The following USP33 variants were observed in gnomAD, a reference collection of about 807,000 sequenced individuals.
USP33 encodes ubiquitin specific peptidase 33, also known as ubiquitin carboxyl-terminal hydrolase 33.
A neutral mutation model predicts 124.2 loss-of-function variants in USP33; 46 were observed. The observed-to-expected ratio is 0.37, with a 90% confidence interval of 0.29 to 0.47. The LOEUF is 0.47. USP33 is among the 20% of genes least tolerant of loss of function. USP33 has a pLI of 0.99. For synonymous variants in USP33, 350 were observed against 352.3 expected (o/e 0.99, Z 0.07); for missense variants, 851 against 1,070.6 (o/e 0.79, Z 2.86).
chr1:77,722,336 A>C (rs1676659848), intron 12 of USP33, 140 bp from the exon 13 acceptor site: 3 of 801,548 alleles, frequency 3.7e-6, no homozygotes, highest in Non-Finnish European at 5.7e-6. Flanking sequence ...CGCAAATTGA[A>C]CTGCTTTCAT....
chr1:77,729,258 T>G (rs766587179), intron 9 of USP33, among the ~76,000 whole-genome samples: 4 of 151,458 alleles, frequency 2.6e-5, no homozygotes. Flanking sequence ...TTCCGCTGGA[T>G]GCAGGGGCTT....
In USP33 at chr1:77,748,784, C is replaced by A. The variant is rs376201032; in HGVS notation, c.-51-7036G>T. 3.9e-4 allele frequency among the ~76,000 whole-genome samples: 34 copies of A among 87,998 alleles called. 2 individuals are homozygous for A. The highest frequency in any genetic ancestry group is 1.3e-3 in the East Asian group (4 of 3,164). The allele number at this position is 87,998 out of a possible 152,430, so 57.7% of individuals were successfully genotyped here. ...TTTTGGCAGCATTCCTTCCCTCCCCCCCCCCCCCGTGCTTGAATCAGGATT... is the reference window on the plus strand; with the variant it reads ...TTTTGGCAGCATTCCTTCCCTCCCCACCCCCCCCGTGCTTGAATCAGGATT... On this transcript the variant is annotated intron_variant, in intron 1 of 23. Transcript: ENST00000370794.
intron 1 of USP33, among the ~76,000 whole-genome samples, chr1:77,742,319 C>T (rs979319666): frequency 2.6e-5 from 4 of 152,140 alleles, no homozygotes; most frequent in African/African-American, 4.8e-5. Flanking sequence ...GATAATTCTT[C>T]GCTGTGAGGG....
chr1:77,714,772 T>C lies in USP33; in HGVS notation c.2057A>G (p.Glu686Gly). The C allele has an allele frequency of 6.2e-7, 1 of 1,611,678 alleles. No homozygotes were observed. The highest frequency in any genetic ancestry group is 8.5e-7 in the Non-Finnish European group (1 of 1,179,802). The change falls in exon 19 of 24, where the codon GAA (glutamate) becomes GGA (glycine). Residue 686 changes from glutamate (E) to glycine (G), a missense_variant. Physicochemically the swap from Glu to Gly is moderately conservative, Grantham distance 98. This residue lies in a region of USP33 where 281 missense variants were observed against 425.0 expected (regional missense o/e 0.66). Coordinates refer to ENST00000370794, the MANE Select transcript of USP33 (RefSeq NM_201624.3). The part of the protein sequence containing the change: ...AYVLFYRKSS[E>G]EAQKERRRIS... ...CCTTCTCCTCTCTTTTTGTGCCTCT[T>C]CGCTGCTCTTCCTATTAAGGACAAT...
Position 77,736,167 on chromosome 1 carries a change from C to T in USP33, c.352-9G>A. 6.3e-7 allele frequency: 1 copy of T among 1,577,198 alleles called. No individual in the cohort carries two copies. Among genetic ancestry groups the T allele is most frequent in the East Asian group, 2.2e-5 (1 of 44,474 alleles). On this transcript the variant is annotated splice_polypyrimidine_tract_variant and intron_variant, in intron 5 of 23. Transcript: ENST00000370794. Reference sequence around the variant, plus strand: ...CTGGGTATTTTAAAATCCTTGATAACAAAAAAAGATAGCACACTTGAACAA... The same window carrying T: ...CTGGGTATTTTAAAATCCTTGATAATAAAAAAAGATAGCACACTTGAACAA...
chr1:77,747,418 C>T (rs1570860671), intron 1 of USP33, among the ~76,000 whole-genome samples: 1 of 151,918 alleles, frequency 6.6e-6, no homozygotes, highest in East Asian at 1.9e-4. Context: ...CCCCACCTGG[C>T]TAATTTTTAA....
Position 77,721,246 on chromosome 1 carries a change from G to A in USP33, c.1658-41C>T, listed in dbSNP as rs375184281. 31 of 1,609,588 alleles carry A rather than the reference G, an allele frequency of 1.9e-5. No homozygotes were observed. The African/African-American group carries it at 3.9e-4, about 20-fold the overall frequency. On this transcript the variant is annotated intron_variant, in intron 14 of 23. Transcript: ENST00000370794. ...ATCTGGCATTGGTTTCAAATTAACA[G>A]CAAATTGCTTATTATGGTCCTGTAA...
At chr1:77,723,613 T>TA (rs576922550) in intron 11 of USP33, among the ~76,000 whole-genome samples, 170 bp from the exon 12 acceptor site, 228 of 152,280 alleles carry the variant, frequency 1.5e-3, no homozygotes, top group Non-Finnish European at 2.7e-3. Context: ...GCATAAGTAT[T>TA]AAAAAAATAA....
intron 5 of USP33, among the ~76,000 whole-genome samples, chr1:77,738,734 C>T (rs1678774284): frequency 6.6e-6 from 1 of 152,178 alleles, no homozygotes; most frequent in Non-Finnish European, 1.5e-5. Flanking sequence ...GCCGCCTTGG[C>T]CTCCCAAAGC....
At position 77,697,386 on chromosome 1, in the gene USP33, C is replaced by T. The variant is rs575938642; in HGVS notation, c.2667G>A (p.Pro889=). 3.0e-5 allele frequency: 49 copies of T among 1,612,992 alleles called. No homozygotes were observed. The highest frequency in any genetic ancestry group is 4.5e-5 in the East Asian group (2 of 44,850). ...GTATATCTGGATCAACATGAACAACCGGAGGTCGCAGGATAACTTCAGGCC... is the reference window on the plus strand; with the variant it reads ...GTATATCTGGATCAACATGAACAACTGGAGGTCGCAGGATAACTTCAGGCC... ...GGGPEVILRP[P]VVHVDPDILQ... The change falls in exon 24 of 24, where the codon CCG becomes CCA. Residue 889 remains proline (P), a synonymous_variant. Transcript: ENST00000370794.
chr1:77,711,938 AT>A, intron 20 of USP33, 83 bp from the exon 21 acceptor site: 1 of 1,286,604 alleles, frequency 7.8e-7, no homozygotes, highest in South Asian at 1.4e-5. Context: ...CCCAGTAAAA[AT>A]AAATCCTCTT....
In USP33 at chr1:77,714,659, C is replaced by G. The variant is rs1337259372; in HGVS notation, c.2170G>C (p.Glu724Gln). The G allele has an allele frequency of 6.2e-7, 1 of 1,613,172 alleles. No homozygotes were observed. Among genetic ancestry groups the G allele is most frequent in the African/African-American group, 1.3e-5 (1 of 74,876 alleles). Residue 724 changes from glutamate (E) to glutamine (Q), a missense_variant, in exon 19 of 24, where the codon GAA becomes CAA. Glu to Gln is a conservative substitution (Grantham distance 29). This residue lies in a region of USP33 where 281 missense variants were observed against 425.0 expected (regional missense o/e 0.66). Coordinates refer to ENST00000370794, the MANE Select transcript of USP33 (RefSeq NM_201624.3). Reference protein sequence around the residue: ...QWLNKFKTFAEPGPISNNDFL... With the variant: ...QWLNKFKTFAQPGPISNNDFL... ...TCATTATTTGAAATAGGGCCAGGTT[C>G]GGCAAAGGTCTTAAATTTATTAAGC... is the stretch of plus-strand genomic sequence containing the variant.
rs566869635 is a variant in USP33 at position 77,739,553 on chromosome 1, G to A, written c.199-136C>T. ...ATACTCAAAAGCTAATTTAGAACAT[G>A]AAAAAAATTCTTTAGATAAACTTCT... On this transcript the variant is annotated intron_variant, in intron 4 of 23. Transcript: ENST00000370794. The A allele has an allele frequency of 1.7e-5, 14 of 809,184 alleles. No homozygotes were observed. In the African/African-American group the frequency reaches 1.9e-4, roughly 11 times the overall value. The allele number at this position is 809,184 out of a possible 1,614,324, so 50.1% of individuals were successfully genotyped here. A position where few individuals can be genotyped will look rare whatever the true frequency, so the allele number is the denominator to read the frequency against.
chr1:77,739,474 G>A, intron 4 of USP33, 57 bp from the exon 5 acceptor site: 1 of 1,474,560 alleles, frequency 6.8e-7, no homozygotes. Context: ...TACTTGAAAA[G>A]ACTTCTTCAA....
At chr1:77,720,838 T>G (rs1432411088) in intron 15 of USP33, among the ~76,000 whole-genome samples, 1 of 152,228 alleles carries the variant, frequency 6.6e-6, no homozygotes, top group Non-Finnish European at 1.5e-5. Context: ...TATGTGGATA[T>G]GAAACTTTGT....
intron 11 of USP33, 23 bp downstream of exon 11, chr1:77,725,599 A>T: frequency 6.2e-7 from 1 of 1,611,412 alleles, no homozygotes; most frequent in South Asian, 1.1e-5. Context: ...AGCAAAAGAG[A>T]CTGAATAAGA....
intron 1 of USP33, 67 bp downstream of exon 1, chr1:77,759,576 G>C (rs917053396): frequency 2.5e-6 from 1 of 398,016 alleles, no homozygotes; most frequent in Non-Finnish European, 4.4e-6. Context: ...CGAGAACAGA[G>C]ACCGGACCCC....
intron 1 of USP33, among the ~76,000 whole-genome samples, chr1:77,749,096 C>T (rs1680041522): frequency 6.6e-6 from 1 of 152,172 alleles, no homozygotes; most frequent in Non-Finnish European, 1.5e-5. Flanking sequence ...CTTGAAATAA[C>T]TTTGACAGTA....
chr1:77,734,206 G>T, intron 7 of USP33, 141 bp downstream of exon 7: 1 of 652,336 alleles, frequency 1.5e-6, no homozygotes, highest in Non-Finnish European at 2.6e-6. Context: ...AACATCGTTG[G>T]GACAAGAATG....
Sources: allele counts gnomAD v4.1 joint callset (sites outside exome capture counted in the v4.1 genomes callset), GRCh38; gene constraint gnomAD v4.1.1; regional missense constraint gnomAD v4.1.1; transcripts MANE v1.5; gene names NCBI Gene and HGNC (gene_info 2026-07-23, HGNC 2026-07-21).